The following GARNL3 variants were observed in gnomAD, a reference collection of about 807,000 sequenced individuals.
GARNL3 encodes GTPase activating Rap/RanGAP domain like 3.
In GARNL3, 63 loss-of-function variants were observed where a neutral mutation model predicts 125.0. The ratio of observed to expected loss-of-function variants is 0.50; its 90% CI spans 0.41 to 0.62. GARNL3 has a LOEUF of 0.62. Among genes scored for constraint, GARNL3 ranks in the 20% least tolerant of loss-of-function variants. GARNL3 has a pLI of 0.00. For synonymous variants in GARNL3, 439 were observed against 457.5 expected (o/e 0.96, Z 0.52); for missense variants, 994 against 1,244.0 (o/e 0.80, Z 3.02).
In GARNL3 at chr9:127,381,657, C is replaced by T. The variant is rs575595743; in HGVS notation, c.2162-1781C>T. ...TGTCACCCAGGCTGGAGTGCAGTGGCGTGATCTCGGCTCACTGCAAGCTCC... is the reference window on the plus strand; with the variant it reads ...TGTCACCCAGGCTGGAGTGCAGTGGTGTGATCTCGGCTCACTGCAAGCTCC... On this transcript the variant is annotated intron_variant, in intron 22 of 27. Coordinates refer to ENST00000373387, the MANE Select transcript of GARNL3 (RefSeq NM_032293.5). Among the ~76,000 whole-genome samples the T allele has an allele frequency of 4.6e-5, 7 of 152,160 alleles. No homozygotes were observed. In the South Asian group the frequency reaches 8.3e-4, roughly 18 times the overall value.
chr9:127,304,530 CTTTTTTT>C (rs61493807), intron 2 of GARNL3, among the ~76,000 whole-genome samples: 4 of 99,220 alleles, frequency 4.0e-5, no homozygotes, highest in African/African-American at 1.4e-4. Context: ...TGGCTTTATT[CTTTTTTT>C]TTTTTTTTTT....
At chr9:127,247,921 C>G (rs1306967606) in intron 2 of GARNL3, among the ~76,000 whole-genome samples, 1 of 152,192 alleles carries the variant, frequency 6.6e-6, no homozygotes, top group Non-Finnish European at 1.5e-5. Context: ...ACCACTACCC[C>G]CTGTCCCCTA....
chr9:127,260,452 CATG>C (rs2063566894), upstream of GARNL3, among the ~76,000 whole-genome samples: 1 of 152,228 alleles, frequency 6.6e-6, no homozygotes, highest in African/African-American at 2.4e-5. Context: ...TGTCCTCTGA[CATG>C]GTGTCAGAAT....
chr9:127,320,593 A>T (rs3739558), intron 5 of GARNL3, 122 bp from the exon 6 acceptor site: 2 of 646,446 alleles, frequency 3.1e-6, no homozygotes, highest in East Asian at 5.4e-5. Context: ...GTTCATTGAT[A>T]ACTCATTTGT....
Position 127,332,291 on chromosome 9 carries a change from G to A in GARNL3, c.612G>A (p.Lys204=). ...LEEQEGSVNF[K]FGVLFAKDGQ... ...ATCCTAAGGGCTCTGTGAATTTCAA[G>A]TTTGGGGTTCTTTTTGCCAAAGATG... The change falls in exon 8 of 28, where the codon AAG becomes AAA. Residue 204 remains lysine (K), a synonymous_variant. Transcript: ENST00000373387. 6.2e-7 allele frequency: 1 copy of A among 1,613,688 alleles called. No individual in the cohort carries two copies. The highest frequency in any genetic ancestry group is 8.5e-7 in the Non-Finnish European group (1 of 1,179,650).
chr9:127,225,183 C>T (rs1428795735), intron 1 of GARNL3: 25 of 129,880 alleles, frequency 1.9e-4, no homozygotes, highest in Admixed American at 4.1e-4. Flanking sequence ...TTCGGGGCGG[C>T]GCCGGGGCGG....
chr9:127,244,171 G>C (rs2063253791), intron 2 of GARNL3, among the ~76,000 whole-genome samples: 1 of 152,186 alleles, frequency 6.6e-6, no homozygotes, highest in Non-Finnish European at 1.5e-5. Context: ...CTGCCCTCAA[G>C]GAACTCCCTA....
At chr9:127,360,024 TTTG>T (rs60675604) in intron 21 of GARNL3, among the ~76,000 whole-genome samples, 2,397 of 152,122 alleles carry the variant, frequency 0.016, 47 homozygotes, top group East Asian at 0.051. Flanking sequence ...AAAATGTATT[TTTG>T]TTGTTGTTGT....
Position 127,385,118 on chromosome 9 carries a change from G to A in GARNL3, c.2361G>A (p.Val787=), listed in dbSNP as rs1240338004. 1.2e-6 allele frequency: 2 copies of A among 1,608,084 alleles called. No individual in the cohort carries two copies. Among genetic ancestry groups the A allele is most frequent in the Admixed American group, 1.7e-5 (1 of 59,460 alleles). ...VNGNLVHTAV[V]PQLQLVASRS... is the part of the protein sequence containing the mutation. ...GGAACCTGGTCCACACTGCAGTCGT[G>A]CCGCAGCTGCAGCTGGTGGCCTCCA... is the stretch of plus-strand genomic sequence containing the variant. Residue 787 remains valine (V), a synonymous_variant, in exon 24 of 28, where the codon GTG becomes GTA. Transcript: ENST00000373387. The surrounding 1 kb of genome is among the most constrained non-coding windows in gnomAD (Gnocchi z 4.1).
Position 127,290,312 on chromosome 9 carries a change from A to G in GARNL3, c.145-856A>G, listed in dbSNP as rs543960272. On this transcript the variant is annotated intron_variant, in intron 1 of 27. Coordinates refer to ENST00000373387, the MANE Select transcript of GARNL3 (RefSeq NM_032293.5). ...TTTCTATTAATTTTTATACCATCGT[A>G]TCTCTTAAGCACTAGTGAAAACGTG... is the stretch of plus-strand genomic sequence containing the variant. Among the ~76,000 whole-genome samples, 16 of 152,294 alleles carry G rather than the reference A, an allele frequency of 1.1e-4. No individual in the cohort carries two copies. The East Asian group carries it at 2.5e-3, about 24-fold the overall frequency.
At chr9:127,300,837 T>TA (rs1293732032) in intron 2 of GARNL3, 3 of 363,758 alleles carry the variant, frequency 8.2e-6, no homozygotes, top group African/African-American at 6.6e-5. Flanking sequence ...TTTAGCAACA[T>TA]TAGGCATGTA....
intron 14 of GARNL3, among the ~76,000 whole-genome samples, chr9:127,343,830 C>T (rs1326498879): frequency 6.6e-6 from 1 of 152,174 alleles, no homozygotes; most frequent in East Asian, 1.9e-4. Context: ...CAAGGCGACC[C>T]ACAAGGCTGC....
At chr9:127,253,118 C>G (rs1175941087) in intron 2 of GARNL3, among the ~76,000 whole-genome samples, 2 of 152,150 alleles carry the variant, frequency 1.3e-5, no homozygotes, top group Non-Finnish European at 2.9e-5. Context: ...TTCACTTCAG[C>G]TGTTAGTGGA....
At chr9:127,270,891 G>C (rs2063808493) in intron 1 of GARNL3, among the ~76,000 whole-genome samples, 1 of 140,728 alleles carries the variant, frequency 7.1e-6, no homozygotes, top group South Asian at 2.1e-4. Flanking sequence ...GGCCACCGTG[G>C]TCTCTTCATT....
intron 1 of GARNL3, among the ~76,000 whole-genome samples, chr9:127,276,267 A>G (rs911038626): frequency 1.3e-5 from 2 of 152,068 alleles, no homozygotes; most frequent in African/African-American, 4.8e-5. Context: ...CTGGGATTAC[A>G]GGTCAGTCTT....
At chr9:127,308,870 TA>T (rs2065022900) in intron 2 of GARNL3, among the ~76,000 whole-genome samples, 1 of 152,208 alleles carries the variant, frequency 6.6e-6, no homozygotes, top group Admixed American at 6.5e-5. Context: ...AAAAATATTG[TA>T]TATGTGTGTA....
intron 19 of GARNL3, among the ~76,000 whole-genome samples, 159 bp downstream of exon 19, chr9:127,354,569 C>T (rs1830587258): frequency 6.6e-6 from 1 of 152,090 alleles, no homozygotes; most frequent in Non-Finnish European, 1.5e-5. Flanking sequence ...CCAGAAGGAG[C>T]TTGAAAGCTA....
intron 2 of GARNL3, among the ~76,000 whole-genome samples, chr9:127,299,307 C>CAAA (rs774997294): frequency 1.8e-4 from 4 of 22,556 alleles, no homozygotes; most frequent in Non-Finnish European, 3.2e-4. Context: ...GACTCCGTCT[C>CAAA]AAAAAAAAAA....
intron 1 of GARNL3, among the ~76,000 whole-genome samples, chr9:127,269,541 C>G (rs2063772223): frequency 6.6e-6 from 1 of 152,196 alleles, no homozygotes; most frequent in African/African-American, 2.4e-5. Flanking sequence ...ACCAGCAATG[C>G]ACAAAGTTTC....
Sources: allele counts gnomAD v4.1 joint callset (sites outside exome capture counted in the v4.1 genomes callset), GRCh38; gene constraint gnomAD v4.1.1; non-coding constraint Gnocchi (gnomAD v3.1); transcripts MANE v1.5; gene names NCBI Gene and HGNC (gene_info 2026-07-23, HGNC 2026-07-21).